Variants in MEGF8 observed in about 807,000 individuals in gnomAD.
MEGF8 encodes the protein multiple epidermal growth factor-like domains protein 8.
In MEGF8, 156 loss-of-function variants were observed where a neutral mutation model predicts 302.9. The observed-to-expected ratio is 0.52, with a 90% CI of 0.45 to 0.59. The LOEUF is 0.59. Ranked by LOEUF, MEGF8 falls within the 20% of genes least tolerant of loss-of-function variation. The pLI is 0.00. For synonymous variants in MEGF8, 1,621 were observed against 1,660.5 expected (o/e 0.98, Z 0.58); for missense variants, 3,345 against 3,964.5 (o/e 0.84, Z 4.20).
rs1233243188 is a variant in MEGF8, at chr19:42,336,816, G to A, written c.1254G>A (p.Val418=). The A allele has an allele frequency of 6.3e-7, 1 of 1,594,746 alleles. No individual in the cohort carries two copies. Among genetic ancestry groups the A allele is most frequent in the Non-Finnish European group, 8.5e-7 (1 of 1,169,910 alleles). The change falls in exon 7 of 42, where the codon GTG becomes GTA. Residue 418 remains valine (V), a synonymous_variant. Transcript: ENST00000251268. The surrounding 1 kb of genome is among the most constrained non-coding windows in gnomAD (Gnocchi z 4.8). ...GCTTCTCCTTCGGTAGGTTCTCTGT[G>A]CGAGTGAACTCCACTGAGCTTTTCC... The part of the protein sequence containing the change: ...GHRPSTARFS[V]RVNSTELFHV...
chr19:42,345,371 A>T (rs1253388305), intron 12 of MEGF8, among the ~76,000 whole-genome samples: 3 of 152,198 alleles, frequency 2.0e-5, no homozygotes, highest in Non-Finnish European at 4.4e-5. Context: ...TGCAATCATC[A>T]CCACTATCTT....
intron 12 of MEGF8, among the ~76,000 whole-genome samples, chr19:42,345,459 C>T (rs533211323): frequency 5.9e-5 from 9 of 152,236 alleles, no homozygotes; most frequent in Admixed American, 1.3e-4. Flanking sequence ...CTCTTCCCCC[C>T]GGTCCCTGGC....
intron 8 of MEGF8, among the ~76,000 whole-genome samples, chr19:42,337,660 C>T (rs538037196): frequency 1.8e-3 from 267 of 151,928 alleles, no homozygotes; most frequent in African/African-American, 6.1e-3. Flanking sequence ...GCGCCTGCCA[C>T]CTCACCTGGC....
rs1468167936 is a variant in MEGF8, at chr19:42,358,247, C to G, written c.5115C>G (p.Leu1705=). 3.1e-6 allele frequency: 5 copies of G among 1,605,400 alleles called. No homozygotes were observed. Among genetic ancestry groups the G allele is most frequent in the Non-Finnish European group, 3.4e-6 (4 of 1,176,436 alleles). Residue 1705 remains leucine, a synonymous_variant, in exon 29 of 42, where the codon CTC becomes CTG. Coordinates refer to ENST00000251268, the MANE Select transcript of MEGF8 (RefSeq NM_001271938.2). This position sits in a 1 kb window ranked among gnomAD's most constrained non-coding sequence, Gnocchi z 4.4. ...HVELAAPSPE[L]YSLHCPDRTW... ...AGCTGGCGGCCCCATCCCCCGAGCT[C>G]TACTCCCTGCACTGTCCTGACCGCA...
chr19:42,369,281 A>T lies in MEGF8; in HGVS notation c.6642-250A>T, dbSNP rs186437096. ...GATCACTTAAGGCCAGGAGTTCGAGACCAGTCCACAGGGAGACCCCATCTC... is the reference window on the plus strand; with the variant it reads ...GATCACTTAAGGCCAGGAGTTCGAGTCCAGTCCACAGGGAGACCCCATCTC... On this transcript the variant is annotated intron_variant, in intron 37 of 41. Transcript: ENST00000251268. The surrounding 1 kb of genome is among the most constrained non-coding windows in gnomAD (Gnocchi z 5.7). Among the ~76,000 whole-genome samples the T allele has an allele frequency of 6.6e-6, 1 of 152,256 alleles. No homozygotes were observed. Among genetic ancestry groups the T allele is most frequent in the East Asian group, 1.9e-4 (1 of 5,170 alleles).
In MEGF8 at chr19:42,370,175, T is replaced by A. The variant is rs1241810900; in HGVS notation, c.6835-14T>A. ...CTCTCCAGCCTCTCTAACTACCCTG[T>A]CCTGGGTTCTCAGGGCAGCCACTGT... On this transcript the variant is annotated splice_polypyrimidine_tract_variant and intron_variant, in intron 38 of 41. Coordinates refer to ENST00000251268, the MANE Select transcript of MEGF8 (RefSeq NM_001271938.2). 6.2e-7 allele frequency: 1 copy of A among 1,606,896 alleles called. No individual in the cohort carries two copies. Among genetic ancestry groups the A allele is most frequent in the African/African-American group, 1.3e-5 (1 of 74,846 alleles).
chr19:42,360,468 C>T (rs946894016), intron 31 of MEGF8, among the ~76,000 whole-genome samples: 2 of 151,742 alleles, frequency 1.3e-5, no homozygotes, highest in African/African-American at 2.4e-5. Context: ...AATTTAGCTT[C>T]CCAAGTAGCT....
rs1222659258 is a variant in MEGF8 at position 42,352,487 on chromosome 19, T to C, written c.3350+31T>C. Reference sequence around the variant, plus strand: ...TGAGGCGGGGGTTGCTATGGAGATGTTGCCCCAGGCTGGGGCACATGGAGG... The same window carrying C: ...TGAGGCGGGGGTTGCTATGGAGATGCTGCCCCAGGCTGGGGCACATGGAGG... On this transcript the variant is annotated intron_variant, in intron 19 of 41. Transcript: ENST00000251268. The surrounding 1 kb of genome is among the most constrained non-coding windows in gnomAD (Gnocchi z 4.4). 1 of 1,552,312 alleles carries C rather than the reference T, an allele frequency of 6.4e-7. No individual in the cohort carries two copies. The highest frequency in any genetic ancestry group is 8.8e-7 in the Non-Finnish European group (1 of 1,142,736).
At chr19:42,370,629 G>T in intron 39 of MEGF8, 72 bp from the exon 40 acceptor site, 1 of 1,509,972 alleles carries the variant, frequency 6.6e-7, no homozygotes, top group East Asian at 2.4e-5. Context: ...GTAGGAGCCT[G>T]GACTCCTGGG....
intron 35 of MEGF8, among the ~76,000 whole-genome samples, chr19:42,367,671 T>C (rs1406655170): frequency 2.0e-5 from 3 of 152,148 alleles, no homozygotes; most frequent in Non-Finnish European, 4.4e-5. Flanking sequence ...GAAGTGCCCT[T>C]AGTGAGGAGG....
intron 31 of MEGF8, 45 bp downstream of exon 31, chr19:42,359,287 A>AG: frequency 6.7e-7 from 1 of 1,491,506 alleles, no homozygotes. Context: ...GACATCCAGG[A>AG]GGAGCCCCAT....
Position 42,375,733 on chromosome 19 carries a change from C to T in MEGF8, c.7496C>T (p.Ala2499Val). 6.2e-7 allele frequency: 1 copy of T among 1,612,264 alleles called. No individual in the cohort carries two copies. Among genetic ancestry groups the T allele is most frequent in the East Asian group, 2.2e-5 (1 of 44,846 alleles). ...CTGACGCTGGACGTGACCTTCGGGG[C>T]CGTGGACCTCTATGTCTCCACCTCC... Reference protein sequence around the residue: ...IRLTLDVTFGAVDLYVSTSYD... With the variant: ...IRLTLDVTFGVVDLYVSTSYD... Residue 2499 changes from alanine to valine, a missense_variant, in exon 42 of 42, where the codon GCC becomes GTC. Coordinates refer to ENST00000251268, the MANE Select transcript of MEGF8 (RefSeq NM_001271938.2). This position sits in a 1 kb window ranked among gnomAD's most constrained non-coding sequence, Gnocchi z 7.1.
In MEGF8 at chr19:42,354,147, C is replaced by A. The variant is rs1479354287; in HGVS notation, c.4011+123C>A. ...TTTTTTTTTTGTTTTTTTAATCCTT[C>A]AAAACCCAAACTCCTCCTCAGATCC... On this transcript the variant is annotated intron_variant, in intron 22 of 41. Coordinates refer to ENST00000251268, the MANE Select transcript of MEGF8 (RefSeq NM_001271938.2). The surrounding 1 kb of genome is among the most constrained non-coding windows in gnomAD (Gnocchi z 4.3). 1.6e-6 allele frequency: 2 copies of A among 1,247,172 alleles called. No individual in the cohort carries two copies. Among genetic ancestry groups the A allele is most frequent in the Non-Finnish European group, 2.2e-6 (2 of 929,742 alleles). The allele number at this position is 1,247,172 out of a possible 1,614,324, so 77.3% of individuals were successfully genotyped here.
Position 42,353,485 on chromosome 19 carries a change from T to C in MEGF8, c.3571T>C (p.Cys1191Arg). The change falls in exon 21 of 42, where the codon TGC becomes CGC. Residue 1191 changes from cysteine to arginine, a missense_variant. By Grantham distance (180) the Cys-to-Arg change is radical. Transcript: ENST00000251268. This position sits in a 1 kb window ranked among gnomAD's most constrained non-coding sequence, Gnocchi z 6.1. ...ECQDWTWGEH[C>R]ERCRPGSFGN... ...CACAGACTGGACATGGGGGGAGCAC[T>C]GCGAACGATGCCGGCCCGGCAGCTT... 1 of 1,610,746 alleles carries C rather than the reference T, an allele frequency of 6.2e-7. No homozygotes were observed. The highest frequency in any genetic ancestry group is 1.1e-5 in the South Asian group (1 of 90,752).
rs2039745699 is a variant in MEGF8 at position 42,375,040 on chromosome 19, C to T, written c.7270-467C>T. ...TAGAAGAAGCATCCAGGCAGGCAGG[C>T]GAGGCTGGCTGACCCTGCGCCGAGT... On this transcript the variant is annotated intron_variant, in intron 41 of 41. Transcript: ENST00000251268. The surrounding 1 kb of genome is among the most constrained non-coding windows in gnomAD (Gnocchi z 7.1). Among the ~76,000 whole-genome samples, 1 of 152,048 alleles carries T rather than the reference C, an allele frequency of 6.6e-6. No homozygotes were observed. The highest frequency in any genetic ancestry group is 6.6e-5 in the Admixed American group (1 of 15,256).
rs78335246 is a variant in MEGF8 at position 42,375,974 on chromosome 19, G to C, written c.7737G>C (p.Thr2579=). The C allele has an allele frequency of 1.9e-6, 3 of 1,606,982 alleles. No homozygotes were observed. The South Asian group carries it at 3.3e-5, about 18-fold the overall frequency. The part of the protein sequence containing the change: ...VWPRGLITYV[T]VTEPSAVLVV... ...CGCGGGGCCTGATTACCTACGTGACGGTGACGGAGCCGTCGGCAGTGCTGG... is the reference window on the plus strand; with the variant it reads ...CGCGGGGCCTGATTACCTACGTGACCGTGACGGAGCCGTCGGCAGTGCTGG... The change falls in exon 42 of 42, where the codon ACG becomes ACC. Residue 2579 remains threonine (T), a synonymous_variant. Transcript: ENST00000251268. This position sits in a 1 kb window ranked among gnomAD's most constrained non-coding sequence, Gnocchi z 7.1.
Position 42,346,999 on chromosome 19 carries a change from A to G in MEGF8, c.2098-1273A>G, listed in dbSNP as rs565123707. Among the ~76,000 whole-genome samples, 36 of 150,900 alleles carry G rather than the reference A, an allele frequency of 2.4e-4. 1 individual carries two copies. Among genetic ancestry groups the G allele is most frequent in the South Asian group, 8.3e-4 (4 of 4,800 alleles). On this transcript the variant is annotated intron_variant, in intron 12 of 41. Transcript: ENST00000251268. The stretch of plus-strand genomic sequence containing the variant: ...GACTCTGTCTCAAAAAAAAAAAAAA[A>G]AAAAAAGAAAAAGAAAAAGAAAAAA...
chr19:42,370,236 C>T lies in MEGF8; in HGVS notation c.6882C>T (p.Val2294=), dbSNP rs771348053. 44 of 1,613,548 alleles carry T rather than the reference C, an allele frequency of 2.7e-5. No homozygotes were observed. The highest frequency in any genetic ancestry group is 1.3e-4 in the African/African-American group (10 of 74,906). ...TCCCGCTGTTTGTGGGTTCAGCTGTCGGAGGCGGGACCTGCCGGCCCTGCC... is the reference window on the plus strand; with the variant it reads ...TCCCGCTGTTTGTGGGTTCAGCTGTTGGAGGCGGGACCTGCCGGCCCTGCC... ...QCLPLFVGSA[V]GGGTCRPCHA... The change falls in exon 39 of 42, where the codon GTC becomes GTT. Residue 2294 remains valine (V), a synonymous_variant. Transcript: ENST00000251268.
At chr19:42,348,670 G>T (rs1467048816) in intron 13 of MEGF8, among the ~76,000 whole-genome samples, 198 bp downstream of exon 13, 1 of 152,176 alleles carries the variant, frequency 6.6e-6, no homozygotes, top group Non-Finnish European at 1.5e-5. Context: ...CGCGATCTCG[G>T]CTCACTGCTA....
Sources: gnomAD v4.1 joint callset for allele counts (sites outside exome capture counted in the v4.1 genomes callset) on GRCh38, gnomAD v4.1.1 for gene constraint, Gnocchi (gnomAD v3.1) non-coding constraint, MANE v1.5 for transcripts, NCBI Gene and HGNC (gene_info 2026-07-23, HGNC 2026-07-21) for gene names.